DMD: variants seen among roughly 807,000 people sequenced by gnomAD.
DMD encodes the protein mutant dystrophin.
A neutral mutation model predicts 330.1 loss-of-function variants in DMD; 63 were observed. That is an observed-to-expected ratio of 0.19 (90% CI 0.16 to 0.24). DMD has a LOEUF of 0.24. Among genes scored for constraint, DMD ranks in the 10% least tolerant of loss-of-function variants. The probability of loss-of-function intolerance (pLI) is 1.00; values close to 1 mark genes in which losing one functional copy is unlikely to be tolerated. For missense variants in DMD, 3,344 were observed against 2,684.1 expected (o/e 1.25, Z -5.43); for synonymous variants, 1,223 against 959.8 (o/e 1.27, Z -5.07).
At chrX:32,497,823 T>G in intron 19 of DMD, among the ~76,000 whole-genome samples, 1 of 111,506 alleles carries the variant, frequency 9.0e-6, no homozygotes, top group Non-Finnish European at 1.9e-5. Context: ...AATAATACAC[T>G]GAAAGGCCTT....
intron 74 of DMD, among the ~76,000 whole-genome samples, chrX:31,166,850 C>T (rs866928388): frequency 5.4e-5 from 6 of 111,837 alleles, no homozygotes; most frequent in African/African-American, 1.3e-4. Flanking sequence ...CTGATCATTT[C>T]GTGAAGGTCA....
At chrX:33,276,683 C>T (rs908980818) in intron 1 of DMD, among the ~76,000 whole-genome samples, 8 of 111,753 alleles carry the variant, frequency 7.2e-5, no homozygotes, top group South Asian at 3.7e-4. Flanking sequence ...ATGTAATCTA[C>T]GAATCATTGG....
At chrX:31,187,155 T>G (rs759903171) in intron 67 of DMD, among the ~76,000 whole-genome samples, 3 of 112,850 alleles carry the variant, frequency 2.7e-5, no homozygotes, top group Non-Finnish European at 5.6e-5. Context: ...TAGAGTTATT[T>G]TATGATTACG....
At chrX:33,317,629 C>T (rs1206168688) in intron 1 of DMD, among the ~76,000 whole-genome samples, 2 of 111,266 alleles carry the variant, frequency 1.8e-5, no homozygotes, top group African/African-American at 3.3e-5. Context: ...GGTTTTACCC[C>T]CCTCTTTTTG....
At chrX:32,643,712 T>C (rs2146811585) in intron 11 of DMD, among the ~76,000 whole-genome samples, 1 of 111,861 alleles carries the variant, frequency 8.9e-6, no homozygotes, top group African/African-American at 3.2e-5. Context: ...TTTCCATATA[T>C]AGATGAGTAA....
At chrX:32,247,755 T>C (rs1048935162) in intron 43 of DMD, among the ~76,000 whole-genome samples, 3 of 111,443 alleles carry the variant, frequency 2.7e-5, no homozygotes, top group Non-Finnish European at 5.7e-5. Context: ...CTCGTCACTG[T>C]GCATTAAAAC....
intron 51 of DMD, among the ~76,000 whole-genome samples, chrX:31,736,345 G>A (rs1447708522): frequency 9.0e-6 from 1 of 111,375 alleles, no homozygotes; most frequent in Admixed American, 9.5e-5. Flanking sequence ...ATGGTTATTG[G>A]AGAACAAAAG....
At chrX:33,257,020 T>C (rs1412827222) in intron 1 of DMD, among the ~76,000 whole-genome samples, 1 of 110,594 alleles carries the variant, frequency 9.0e-6, no homozygotes, top group African/African-American at 3.3e-5. Flanking sequence ...GGACTGTAAG[T>C]ATAACCTACC....
intron 60 of DMD, 119 bp downstream of exon 60, chrX:31,444,362 A>G: frequency 1.2e-6 from 1 of 802,572 alleles, no homozygotes; most frequent in Admixed American, 2.4e-5. Flanking sequence ...AAAATATCCT[A>G]TCCTCACAAA....
intron 50 of DMD, among the ~76,000 whole-genome samples, chrX:31,779,685 T>TTGTGTGTGTG (rs34110475): frequency 9.3e-4 from 93 of 100,158 alleles, no homozygotes; most frequent in African/African-American, 2.0e-3. Context: ...GATACACACA[T>TTGTGTGTGTG]TGTGTGTGTG....
chrX:32,344,136 C>G (rs2097756610), intron 39 of DMD, among the ~76,000 whole-genome samples: 1 of 112,278 alleles, frequency 8.9e-6, no homozygotes. Flanking sequence ...AATAGAATTA[C>G]TCAAAATGCC....
At chrX:32,614,850 T>A (rs1315377365) in intron 11 of DMD, among the ~76,000 whole-genome samples, 2 of 110,844 alleles carry the variant, frequency 1.8e-5, no homozygotes, top group Non-Finnish European at 3.8e-5. Context: ...CTATTTTCCA[T>A]CCCTGTGAAT....
chrX:31,416,097 A>G (rs1341164432), intron 60 of DMD, among the ~76,000 whole-genome samples: 1 of 112,204 alleles, frequency 8.9e-6, no homozygotes, highest in East Asian at 2.8e-4. Context: ...TGGATATTTT[A>G]TATGTGCAGT....
chrX:32,013,287 A>G (rs1286932816), intron 44 of DMD, among the ~76,000 whole-genome samples: 2 of 109,024 alleles, frequency 1.8e-5, no homozygotes, highest in African/African-American at 3.4e-5. Flanking sequence ...GAGTTTCACC[A>G]TGTTGGCCAG....
At chrX:31,786,060 C>T (rs1243259335) in intron 50 of DMD, among the ~76,000 whole-genome samples, 2 of 112,230 alleles carry the variant, frequency 1.8e-5, no homozygotes, top group East Asian at 5.6e-4. Context: ...AATTCACACT[C>T]CCACCAACAG....
rs924492872 is a variant in DMD, at chrX:33,177,503, G to T, written c.31+33779C>A. On this transcript the variant is annotated intron_variant, in intron 1 of 78. Coordinates refer to ENST00000357033, the MANE Select transcript of DMD (RefSeq NM_004006.3). ...TGGTTCAAGTGGTTGTCCTGCCTCAGCCTCCCTAGTAGCTGGGATTACAGG... is the reference window on the plus strand; with the variant it reads ...TGGTTCAAGTGGTTGTCCTGCCTCATCCTCCCTAGTAGCTGGGATTACAGG... Among the ~76,000 whole-genome samples, 8 of 111,146 alleles carry T rather than the reference G, an allele frequency of 7.2e-5. 1 individual carries two copies. Among genetic ancestry groups the T allele is most frequent in the Non-Finnish European group, 1.5e-4 (8 of 53,002 alleles).
At chrX:32,442,802 C>T (rs935651974) in intron 27 of DMD, among the ~76,000 whole-genome samples, 2 of 110,287 alleles carry the variant, frequency 1.8e-5, no homozygotes, top group Non-Finnish European at 3.8e-5. Flanking sequence ...AGAATACAGA[C>T]GTGACAATGA....
At chrX:31,168,739 C>T (rs2039681577) in intron 74 of DMD, among the ~76,000 whole-genome samples, 1 of 111,639 alleles carries the variant, frequency 9.0e-6, no homozygotes, top group Non-Finnish European at 1.9e-5. Context: ...ACTTTTTAAA[C>T]CAAGGGACCT....
intron 50 of DMD, among the ~76,000 whole-genome samples, chrX:31,791,438 C>T (rs2091565086): frequency 9.0e-6 from 1 of 111,509 alleles, no homozygotes; most frequent in East Asian, 2.8e-4. Flanking sequence ...ATATCTGTAG[C>T]CCCTGACATG....
Sources: allele counts gnomAD v4.1 joint callset (sites outside exome capture counted in the v4.1 genomes callset), GRCh38; gene constraint gnomAD v4.1.1; transcripts MANE v1.5; gene names NCBI Gene and HGNC (gene_info 2026-07-23, HGNC 2026-07-21).